Variants in NRXN3 observed in about 807,000 individuals in gnomAD.
NRXN3 encodes the protein neurexin 3.
Under a neutral mutation model 137.6 loss-of-function variants are expected in NRXN3, and 32 were observed. That is an observed-to-expected ratio of 0.23 (90% CI 0.18 to 0.31). The LOEUF (loss-of-function observed/expected upper bound fraction) is 0.31. NRXN3 is among the 10% of genes least tolerant of loss of function. NRXN3 has a pLI of 1.00. For missense variants in NRXN3, 1,574 were observed against 2,062.5 expected (o/e 0.76, Z 4.59); for synonymous variants, 798 against 784.5 (o/e 1.02, Z -0.29).
rs543896533 is a variant in NRXN3, at chr14:79,807,970, G to T, written c.4093+2780G>T. ...AGAGGACCTGATTTCCACTAATGGG[G>T]ATTACCTGCTTAGAGCTATCAAGCC... is the stretch of plus-strand genomic sequence containing the variant. On this transcript the variant is annotated intron_variant, in intron 20 of 20. Transcript: ENST00000335750. 5.9e-5 allele frequency among the ~76,000 whole-genome samples: 9 copies of T among 152,172 alleles called. No homozygotes were observed. In the East Asian group the frequency reaches 1.7e-3, roughly 29 times the overall value.
chr14:78,454,019 A>G (rs1332225915), intron 4 of NRXN3, among the ~76,000 whole-genome samples: 1 of 152,194 alleles, frequency 6.6e-6, no homozygotes, highest in East Asian at 1.9e-4. Flanking sequence ...GCCCTAAAAA[A>G]CTAATACACC....
chr14:79,341,246 T>C (rs768167575), intron 15 of NRXN3, among the ~76,000 whole-genome samples: 3 of 152,146 alleles, frequency 2.0e-5, no homozygotes, highest in African/African-American at 4.8e-5. Context: ...TCTTCACTGC[T>C]TAGTTACTAC....
intron 16 of NRXN3, among the ~76,000 whole-genome samples, chr14:79,602,102 T>TAAC (rs2097930944): frequency 6.6e-6 from 1 of 151,998 alleles, no homozygotes; most frequent in East Asian, 1.9e-4. Context: ...AGATATTACA[T>TAAC]ACCTACTGCA....
At chr14:78,468,517 G>A (rs1474470040) in intron 4 of NRXN3, among the ~76,000 whole-genome samples, 1 of 152,140 alleles carries the variant, frequency 6.6e-6, no homozygotes, top group African/African-American at 2.4e-5. Context: ...CAGAGAAGCA[G>A]GGAAAGAAAT....
chr14:79,529,034 G>A (rs1435295294), intron 16 of NRXN3, among the ~76,000 whole-genome samples: 2 of 152,090 alleles, frequency 1.3e-5, no homozygotes, highest in Non-Finnish European at 2.9e-5. Flanking sequence ...CCATTCTCCC[G>A]CTGTAGCAGG....
At chr14:79,615,918 T>C (rs1166827229) in intron 16 of NRXN3, among the ~76,000 whole-genome samples, 3 of 152,142 alleles carry the variant, frequency 2.0e-5, no homozygotes, top group Admixed American at 1.3e-4. Flanking sequence ...TTTGAGGTAT[T>C]ATTCCCATCT....
intron 4 of NRXN3, among the ~76,000 whole-genome samples, chr14:78,591,378 G>A (rs2152403272): frequency 6.6e-6 from 1 of 152,276 alleles, no homozygotes; most frequent in South Asian, 2.1e-4. Flanking sequence ...CTAGCTTCCA[G>A]GTGCTGTCCA....
At chr14:78,441,795 C>T (rs974394318) in intron 4 of NRXN3, among the ~76,000 whole-genome samples, 7 of 152,036 alleles carry the variant, frequency 4.6e-5, no homozygotes, top group Non-Finnish European at 8.8e-5. Context: ...TAATGAGAAG[C>T]GTTTATGTAA....
At chr14:78,491,594 G>A (rs371846226) in intron 4 of NRXN3, among the ~76,000 whole-genome samples, 16 of 152,098 alleles carry the variant, frequency 1.1e-4, no homozygotes, top group East Asian at 5.8e-4. Flanking sequence ...CTACATATAC[G>A]CAAATATACA....
At chr14:78,723,595 C>G (rs573141383) in intron 8 of NRXN3, among the ~76,000 whole-genome samples, 1 of 152,168 alleles carries the variant, frequency 6.6e-6, no homozygotes, top group Non-Finnish European at 1.5e-5. Context: ...ACCTTCTCAC[C>G]TTCTCTCTGT....
chr14:79,556,193 A>G (rs978052160), intron 16 of NRXN3, among the ~76,000 whole-genome samples: 2 of 152,158 alleles, frequency 1.3e-5, no homozygotes, highest in African/African-American at 2.4e-5. Flanking sequence ...GTTAATGTCA[A>G]TACCTACAAA....
intron 4 of NRXN3, among the ~76,000 whole-genome samples, chr14:78,337,448 T>C (rs1249507755): frequency 6.6e-6 from 1 of 152,042 alleles, no homozygotes; most frequent in Non-Finnish European, 1.5e-5. Flanking sequence ...AGGAAGGTAA[T>C]GGGAACGGCA....
At position 79,692,235 on chromosome 14, in the gene NRXN3, C is replaced by A. The variant is rs1188302696; in HGVS notation, c.3679C>A (p.Pro1227Thr). The change falls in exon 18 of 21, where the codon CCT (proline) becomes ACT (threonine). Residue 1227 changes from proline (P) to threonine (T), a missense_variant. Pro to Thr is a conservative substitution (Grantham distance 38). Transcript: ENST00000335750. ...KQKIPFKYNRPVEEWLQEKGR... is the reference protein window; with the variant it reads ...KQKIPFKYNRTVEEWLQEKGR... The stretch of plus-strand genomic sequence containing the variant: ...GAAAATCCCCTTCAAATATAATCGG[C>A]CTGTAGAGGAGTGGCTGCAGGAAAA... The A allele has an allele frequency of 6.2e-7, 1 of 1,609,540 alleles. No homozygotes were observed. The highest frequency in any genetic ancestry group is 8.5e-7 in the Non-Finnish European group (1 of 1,177,892).
intron 15 of NRXN3, among the ~76,000 whole-genome samples, chr14:79,068,350 A>C (rs933521375): frequency 5.3e-5 from 8 of 152,104 alleles, no homozygotes. Flanking sequence ...TGAAAATAAA[A>C]AGTTAGAAAA....
intron 4 of NRXN3, among the ~76,000 whole-genome samples, chr14:78,424,093 G>A (rs2093567450): frequency 6.6e-6 from 1 of 152,148 alleles, no homozygotes; most frequent in African/African-American, 2.4e-5. Flanking sequence ...ACCTTGGCGG[G>A]TGCAGGGGTT....
chr14:79,685,629 C>T (rs749627221), intron 17 of NRXN3, among the ~76,000 whole-genome samples: 8 of 152,092 alleles, frequency 5.3e-5, no homozygotes, highest in South Asian at 4.1e-4. Flanking sequence ...AGGTTGCAGT[C>T]GCCTGGGCCT....
chr14:78,688,112 G>A (rs1198202582), intron 6 of NRXN3, among the ~76,000 whole-genome samples: 2 of 152,102 alleles, frequency 1.3e-5, no homozygotes, highest in Non-Finnish European at 2.9e-5. Flanking sequence ...GAAAATCTAG[G>A]GGTAGAGAAA....
At chr14:79,769,408 G>C (rs1329058899) in intron 19 of NRXN3, among the ~76,000 whole-genome samples, 3 of 152,108 alleles carry the variant, frequency 2.0e-5, no homozygotes, top group Admixed American at 1.3e-4. Flanking sequence ...AAGCCCATCA[G>C]ACTAACAGCA....
chr14:78,864,561 A>C (rs1463351480), intron 10 of NRXN3, among the ~76,000 whole-genome samples: 1 of 152,288 alleles, frequency 6.6e-6, no homozygotes, highest in East Asian at 1.9e-4. Context: ...TGCCACAAGT[A>C]TATAGGAGAT....
Sources: allele counts gnomAD v4.1 joint callset (sites outside exome capture counted in the v4.1 genomes callset), GRCh38; gene constraint gnomAD v4.1.1; transcripts MANE v1.5; gene names NCBI Gene and HGNC (gene_info 2026-07-23, HGNC 2026-07-21).